The following ARPC3 variants were observed in gnomAD, a reference collection of about 807,000 sequenced individuals.
ARPC3 encodes actin-related protein 2/3 complex subunit 3.
ARPC3 carries 12 observed loss-of-function variants against 27.6 expected under a neutral mutation model. That is an observed-to-expected ratio of 0.43 (90% confidence interval 0.28 to 0.70). The LOEUF (loss-of-function observed/expected upper bound fraction) is 0.70. ARPC3 is among the 30% of genes least tolerant of loss of function. The pLI is 0.17. For missense variants in ARPC3, 153 were observed against 207.7 expected, an observed-to-expected ratio of 0.74 and a Z score of 1.62; for synonymous variants, 53 against 67.2, an observed-to-expected ratio of 0.79 and a Z score of 1.03.
intron 1 of ARPC3, among the ~76,000 whole-genome samples, chr12:110,447,751 G>A (rs891597102): frequency 6.6e-6 from 1 of 151,750 alleles, no homozygotes; most frequent in African/African-American, 2.4e-5. Flanking sequence ...CCAGCCTGGC[G>A]ACACAGCAAG....
intron 1 of ARPC3, among the ~76,000 whole-genome samples, chr12:110,448,904 T>C (rs1289749472): frequency 2.0e-5 from 3 of 151,048 alleles, no homozygotes; most frequent in Non-Finnish European, 4.4e-5. Context: ...GCCTCCCAAG[T>C]AGCTGGGATT....
Position 110,436,696 on chromosome 12 carries a change from ATATAT to A in ARPC3, c.253-18_253-14del, listed in dbSNP as rs762134038. On this transcript the variant is annotated splice_polypyrimidine_tract_variant and intron_variant, in intron 4 of 6. Transcript: ENST00000228825. ...TTTTGGAATTGCACTGGAAAAAAAAATATATATATATATATACACACACACACACA... is the reference window on the plus strand; with the variant it reads ...TTTTGGAATTGCACTGGAAAAAAAAAATATATATATACACACACACACACA... 3,168 of 704,676 alleles carry A rather than the reference ATATAT, an allele frequency of 4.5e-3. 216 individuals carry two copies. The highest frequency in any genetic ancestry group is 9.4e-3 in the African/African-American group (378 of 40,426). 43.7% of individuals were successfully genotyped at this position (704,676 alleles called of 1,614,324 possible). A position where few individuals can be genotyped will look rare whatever the true frequency, so the allele number is the denominator to read the frequency against.
At chr12:110,439,678 C>T (rs1222904368) in intron 3 of ARPC3, among the ~76,000 whole-genome samples, 2 of 152,090 alleles carry the variant, frequency 1.3e-5, no homozygotes, top group East Asian at 3.9e-4. Context: ...ACTAAAAATA[C>T]AAAAAATTAG....
intron 2 of ARPC3, among the ~76,000 whole-genome samples, chr12:110,443,951 GC>G (rs1252293509): frequency 6.6e-6 from 1 of 151,006 alleles, no homozygotes; most frequent in Non-Finnish European, 1.5e-5. Context: ...CACAGCACAG[GC>G]CTCCATTCCA....
chr12:110,446,181 G>GTC (rs2062463495), intron 1 of ARPC3, among the ~76,000 whole-genome samples: 1 of 149,514 alleles, frequency 6.7e-6, no homozygotes, highest in African/African-American at 2.5e-5. Flanking sequence ...TTGAGAAGGA[G>GTC]TCTCACCATG....
intron 2 of ARPC3, among the ~76,000 whole-genome samples, chr12:110,444,472 T>G (rs1019272098): frequency 3.3e-5 from 5 of 151,536 alleles, no homozygotes; most frequent in South Asian, 2.1e-4. Flanking sequence ...TTTAGTAGAG[T>G]TGGGGTTTCG....
chr12:110,445,221 C>G (rs960209872), intron 2 of ARPC3: 4 of 511,124 alleles, frequency 7.8e-6, no homozygotes, highest in Non-Finnish European at 1.1e-5. Flanking sequence ...AGCACATTTC[C>G]TCCATTTTCT....
intron 6 of ARPC3, among the ~76,000 whole-genome samples, chr12:110,435,878 G>A (rs1465105118): frequency 1.3e-5 from 2 of 152,098 alleles, no homozygotes; most frequent in African/African-American, 4.8e-5. Flanking sequence ...CACTCGCCTC[G>A]GCCTCCCAAA....
intron 3 of ARPC3, among the ~76,000 whole-genome samples, chr12:110,438,884 C>T (rs1408296870): frequency 6.6e-6 from 1 of 151,886 alleles, no homozygotes; most frequent in African/African-American, 2.4e-5. Flanking sequence ...CTCAGGTGAT[C>T]CGCCCGCCTT....
At chr12:110,435,488 C>A (rs982306456) in intron 6 of ARPC3, among the ~76,000 whole-genome samples, 11 of 152,048 alleles carry the variant, frequency 7.2e-5, no homozygotes, top group African/African-American at 2.7e-4. Context: ...TGCCACCACG[C>A]CTGGCTAATT....
At chr12:110,436,723 CA>C in intron 4 of ARPC3, 40 bp from the exon 5 acceptor site, 1 of 952,316 alleles carries the variant, frequency 1.1e-6, no homozygotes, top group Non-Finnish European at 1.6e-6. Flanking sequence ...CACACACACA[CA>C]CACACACACA....
intron 2 of ARPC3, 141 bp downstream of exon 2, chr12:110,445,311 T>C: frequency 4.2e-6 from 3 of 709,904 alleles, no homozygotes; most frequent in Non-Finnish European, 7.7e-6. Flanking sequence ...TCTTGAAAGG[T>C]CTAGACCACA....
At chr12:110,437,957 C>A (rs1002948663) in intron 3 of ARPC3, among the ~76,000 whole-genome samples, 1 of 152,092 alleles carries the variant, frequency 6.6e-6, no homozygotes, top group Non-Finnish European at 1.5e-5. Context: ...GTGGAGAAGA[C>A]AAATGAATGT....
intron 2 of ARPC3, chr12:110,444,882 A>G (rs2062455722): frequency 6.3e-6 from 1 of 159,456 alleles, no homozygotes; most frequent in Non-Finnish European, 1.4e-5. Flanking sequence ...ACATAATACA[A>G]ATTATACTGT....
intron 3 of ARPC3, among the ~76,000 whole-genome samples, chr12:110,438,711 T>C (rs545799741): frequency 2.7e-5 from 4 of 150,868 alleles, no homozygotes; most frequent in East Asian, 2.0e-4. Context: ...TGGCGTGATA[T>C]TGGCTCACCG....
chr12:110,443,641 C>T (rs1355447649), intron 2 of ARPC3, among the ~76,000 whole-genome samples: 4 of 151,812 alleles, frequency 2.6e-5, no homozygotes. Flanking sequence ...CCATGTTGGC[C>T]AGGCTGGTCT....
Position 110,436,687 on chromosome 12 carries a change from G to GAAAAAAA in ARPC3, c.253-11_253-5dup, listed in dbSNP as rs59861890. 11 of 807,036 alleles carry GAAAAAAA rather than the reference G, an allele frequency of 1.4e-5. No homozygotes were observed. The highest frequency in any genetic ancestry group is 1.3e-4 in the African/African-American group (5 of 37,738). 50.0% of individuals were successfully genotyped at this position (807,036 alleles called of 1,614,324 possible). ...CACCTTGGCTTTTGGAATTGCACTG[G>GAAAAAAA]AAAAAAAAATATATATATATATATA... On this transcript the variant is annotated splice_region_variant and splice_polypyrimidine_tract_variant and intron_variant, in intron 4 of 6. Coordinates refer to ENST00000228825, the MANE Select transcript of ARPC3 (RefSeq NM_001278556.2).
At chr12:110,440,912 G>A (rs1180593723) in intron 2 of ARPC3, among the ~76,000 whole-genome samples, 35 of 147,728 alleles carry the variant, frequency 2.4e-4, no homozygotes, top group Middle Eastern at 3.6e-3. Flanking sequence ...GCGCGATCTT[G>A]GCTCACTGCA....
intron 1 of ARPC3, among the ~76,000 whole-genome samples, chr12:110,448,725 C>G (rs1037124053): frequency 1.3e-5 from 2 of 149,748 alleles, no homozygotes; most frequent in Admixed American, 1.3e-4. Flanking sequence ...CTAAAGCAGC[C>G]TCCGCCTTCC....
Sources: allele counts gnomAD v4.1 joint callset (sites outside exome capture counted in the v4.1 genomes callset), GRCh38; gene constraint gnomAD v4.1.1; transcripts MANE v1.5; gene names NCBI Gene and HGNC (gene_info 2026-07-23, HGNC 2026-07-21).